INPP5F: variants seen among roughly 807,000 people sequenced by gnomAD.
INPP5F encodes inositol polyphosphate-5-phosphatase F, also known as phosphatidylinositide 4-phosphatase SAC2.
Under a neutral mutation model 137.2 loss-of-function variants are expected in INPP5F, and 97 were observed. The observed-to-expected ratio is 0.71, with a 90% CI of 0.60 to 0.84. INPP5F has a LOEUF of 0.84. INPP5F is among the 40% of genes least tolerant of loss of function. The pLI, the probability that INPP5F is intolerant of heterozygous loss-of-function variation, is 0.00. For missense variants in INPP5F, 1,271 were observed against 1,371.9 expected (o/e 0.93, Z 1.16); for synonymous variants, 504 against 476.9 (o/e 1.06, Z -0.74).
At chr10:119,770,381 C>T (rs928736479) in intron 2 of INPP5F, among the ~76,000 whole-genome samples, 3 of 152,130 alleles carry the variant, frequency 2.0e-5, no homozygotes, top group African/African-American at 7.2e-5. Context: ...AATACATAGC[C>T]TGCTTTGGTG....
intron 15 of INPP5F, among the ~76,000 whole-genome samples, chr10:119,817,793 G>T (rs1268195639): frequency 1.3e-5 from 2 of 152,156 alleles, no homozygotes; most frequent in Non-Finnish European, 2.9e-5. Flanking sequence ...TTAAATGTTT[G>T]ATGCTTTGTC....
At chr10:119,791,426 A>G in intron 3 of INPP5F, 91 bp from the exon 4 acceptor site, 2 of 963,882 alleles carry the variant, frequency 2.1e-6, no homozygotes, top group Admixed American at 4.4e-5. Flanking sequence ...ACTGTTAATC[A>G]GAATGCCTGA....
At chr10:119,815,719 A>G in intron 15 of INPP5F, 1 of 243,142 alleles carries the variant, frequency 4.1e-6, no homozygotes, top group Non-Finnish European at 8.5e-6. Flanking sequence ...GTTAATTGTC[A>G]AGAGGAGGAG....
At chr10:119,788,594 T>C (rs1285917549) in intron 3 of INPP5F, among the ~76,000 whole-genome samples, 2 of 152,176 alleles carry the variant, frequency 1.3e-5, no homozygotes, top group Admixed American at 1.3e-4. Flanking sequence ...ACTATAGTCC[T>C]TACAGTTCCA....
chr10:119,824,428 T>A (rs1851684911), intron 19 of INPP5F, among the ~76,000 whole-genome samples: 1 of 152,180 alleles, frequency 6.6e-6, no homozygotes, highest in Admixed American at 6.5e-5. Flanking sequence ...TGTAGGTTTG[T>A]CCAGTGTTCT....
At chr10:119,786,415 G>A (rs989859301) in intron 3 of INPP5F, among the ~76,000 whole-genome samples, 4 of 152,190 alleles carry the variant, frequency 2.6e-5, no homozygotes, top group African/African-American at 9.7e-5. Context: ...ATCCTAAGAA[G>A]TAATTTTCTC....
chr10:119,734,923 C>T (rs1848179276), intron 1 of INPP5F, among the ~76,000 whole-genome samples: 1 of 152,086 alleles, frequency 6.6e-6, no homozygotes, highest in Non-Finnish European at 1.5e-5. Context: ...GTGTCAGCTG[C>T]CCATAATTGA....
intron 1 of INPP5F, among the ~76,000 whole-genome samples, chr10:119,735,988 G>A (rs1043533774): frequency 9.9e-5 from 15 of 152,240 alleles, no homozygotes; most frequent in African/African-American, 3.6e-4. Context: ...AAATTAGGCG[G>A]GTGTGGTGGC....
chr10:119,763,011 A>T (rs1849051742), intron 2 of INPP5F, among the ~76,000 whole-genome samples: 1 of 152,224 alleles, frequency 6.6e-6, no homozygotes, highest in Non-Finnish European at 1.5e-5. Context: ...TCCTGAGGCA[A>T]ATTGCTCTTC....
chr10:119,824,757 A>G (rs1486214550), intron 19 of INPP5F, among the ~76,000 whole-genome samples: 4 of 152,132 alleles, frequency 2.6e-5, no homozygotes, highest in African/African-American at 9.7e-5. Context: ...GTCATGATCT[A>G]TGGTCATTTT....
At chr10:119,800,337 C>T (rs1200017623) in intron 9 of INPP5F, among the ~76,000 whole-genome samples, 4 of 149,438 alleles carry the variant, frequency 2.7e-5, no homozygotes, top group Non-Finnish European at 4.4e-5. Flanking sequence ...GGGCGGATCA[C>T]GAGGTCAGGA....
intron 2 of INPP5F, among the ~76,000 whole-genome samples, chr10:119,753,357 A>G (rs1404308374): frequency 1.3e-5 from 2 of 152,228 alleles, no homozygotes; most frequent in African/African-American, 4.8e-5. Context: ...CATCTGTTTC[A>G]TGTATCTCTT....
At chr10:119,797,865 G>A (rs1428611489) in intron 8 of INPP5F, among the ~76,000 whole-genome samples, 3 of 152,016 alleles carry the variant, frequency 2.0e-5, no homozygotes, top group South Asian at 2.1e-4. Flanking sequence ...AGAGCAAAAC[G>A]GCTTACCTCA....
chr10:119,789,343 T>C lies in INPP5F; in HGVS notation c.316-2174T>C, dbSNP rs573654899. ...TGTTTTCAGGTTTTTAAAAGAGTTA[T>C]TCATATGACTAATCACTGATATTTT... On this transcript the variant is annotated intron_variant, in intron 3 of 19. Transcript: ENST00000650623. Among the ~76,000 whole-genome samples the C allele has an allele frequency of 2.6e-5, 4 of 152,328 alleles. No homozygotes were observed. In the South Asian group the frequency reaches 8.3e-4, roughly 32 times the overall value.
intron 2 of INPP5F, among the ~76,000 whole-genome samples, chr10:119,763,074 G>GGGACAGACTTGGGCT (rs1244627463): frequency 6.6e-6 from 1 of 152,184 alleles, no homozygotes; most frequent in Non-Finnish European, 1.5e-5. Flanking sequence ...ATACAATGGT[G>GGGACAGACTTGGGCT]GGACAGACTT....
intron 19 of INPP5F, among the ~76,000 whole-genome samples, chr10:119,825,558 C>T (rs567534907): frequency 3.3e-5 from 5 of 152,146 alleles, no homozygotes; most frequent in East Asian, 1.9e-4. Context: ...ACACAACTCA[C>T]GTGGCCACAA....
In INPP5F at chr10:119,798,456, A is replaced by G. The variant is rs1196553901; in HGVS notation, c.1049-87A>G. The G allele has an allele frequency of 3.5e-6, 3 of 867,012 alleles. No individual in the cohort carries two copies. The African/African-American group carries it at 5.1e-5, about 15-fold the overall frequency. 53.7% of individuals were successfully genotyped at this position (867,012 alleles called of 1,614,324 possible). ...AGTTCATTTGGGCTGTCAATAAATT[A>G]TTTAAAAGTAAGAATAAAGATGGAG... On this transcript the variant is annotated intron_variant, in intron 8 of 19. Transcript: ENST00000650623.
intron 15 of INPP5F, among the ~76,000 whole-genome samples, chr10:119,816,997 C>A (rs1330681695): frequency 6.6e-6 from 1 of 152,186 alleles, no homozygotes; most frequent in Admixed American, 6.5e-5. Flanking sequence ...CTGTCACTTC[C>A]TTACCCTCCA....
chr10:119,827,542 A>G lies in INPP5F; in HGVS notation c.3161A>G (p.His1054Arg), dbSNP rs1380320459. Residue 1054 changes from histidine to arginine, a missense_variant, in exon 20 of 20, where the codon CAT (histidine) becomes CGT (arginine). This residue lies in a region of INPP5F where 490 missense variants were observed against 443.7 expected (regional missense o/e 1.10). Transcript: ENST00000650623. ...SSMLELETGL[H>R]VTPSPSESSS... ...ATGCTTGAACTTGAGACAGGGCTTC[A>G]TGTAACTCCTTCTCCTTCAGAGAGC... 12 of 1,614,012 alleles carry G rather than the reference A, an allele frequency of 7.4e-6. No individual in the cohort carries two copies. The highest frequency in any genetic ancestry group is 1.0e-5 in the Non-Finnish European group (12 of 1,179,998).
Sources: allele counts gnomAD v4.1 joint callset (sites outside exome capture counted in the v4.1 genomes callset), GRCh38; gene constraint gnomAD v4.1.1; regional missense constraint gnomAD v4.1.1; transcripts MANE v1.5; gene names NCBI Gene and HGNC (gene_info 2026-07-23, HGNC 2026-07-21).